Variants in MARCHF1 observed in about 807,000 individuals in gnomAD.
MARCHF1 encodes E3 ubiquitin-protein ligase MARCHF1.
In MARCHF1, 40 loss-of-function variants were observed where a neutral mutation model predicts 54.2. The ratio of observed to expected loss-of-function variants is 0.74; its 90% CI spans 0.57 to 0.96. The LOEUF is 0.96. MARCHF1 is among the 40% of genes least tolerant of loss of function. The probability of loss-of-function intolerance (pLI) is 0.00; values close to 1 mark genes in which losing one functional copy is unlikely to be tolerated. For synonymous variants in MARCHF1, 236 were observed against 236.3 expected, an observed-to-expected ratio of 1.00 and a Z score of 0.01; for missense variants, 586 against 656.5, an observed-to-expected ratio of 0.89 and a Z score of 1.17.
At chr4:163,624,310 G>A (rs571628584) in intron 5 of MARCHF1, among the ~76,000 whole-genome samples, 4 of 152,250 alleles carry the variant, frequency 2.6e-5, no homozygotes, top group East Asian at 1.9e-4. Context: ...GAGATCAGGC[G>A]TTGGAGGATA....
chr4:164,129,496 G>C (rs1048277036), intron 1 of MARCHF1, among the ~76,000 whole-genome samples: 3 of 152,090 alleles, frequency 2.0e-5, no homozygotes, highest in Non-Finnish European at 4.4e-5. Context: ...TAATGCTGGA[G>C]TGAATTATTT....
chr4:163,863,530 G>A (rs1749986313), intron 3 of MARCHF1, among the ~76,000 whole-genome samples: 2 of 151,984 alleles, frequency 1.3e-5, no homozygotes, highest in Admixed American at 1.3e-4. Flanking sequence ...GTAATAATGG[G>A]TCAGAGTTGG....
intron 2 of MARCHF1, among the ~76,000 whole-genome samples, chr4:164,039,682 TA>T (rs556768376): frequency 6.6e-5 from 10 of 150,446 alleles, no homozygotes; most frequent in East Asian, 3.9e-4. Context: ...CACATACAGA[TA>T]AAAAAAAAGC....
At chr4:164,000,002 G>A (rs1337401769) in intron 2 of MARCHF1, among the ~76,000 whole-genome samples, 1 of 151,640 alleles carries the variant, frequency 6.6e-6, no homozygotes, top group Non-Finnish European at 1.5e-5. Context: ...AATTGTGCGA[G>A]GTGATAATCA....
At chr4:164,039,990 A>C (rs1481775311) in intron 2 of MARCHF1, among the ~76,000 whole-genome samples, 1 of 147,204 alleles carries the variant, frequency 6.8e-6, no homozygotes, top group Admixed American at 6.9e-5. Context: ...TATATAAACT[A>C]TATATGCTTG....
At chr4:164,192,631 CTT>C (rs55938835) in intron 1 of MARCHF1, among the ~76,000 whole-genome samples, 22,318 of 152,142 alleles carry the variant, frequency 0.15, 2,191 homozygotes, top group African/African-American at 0.26. Context: ...TTAAAAAACA[CTT>C]CAGTCACTCT....
chr4:163,715,827 A>G (rs546351003), intron 4 of MARCHF1, among the ~76,000 whole-genome samples: 7 of 152,300 alleles, frequency 4.6e-5, no homozygotes, highest in Non-Finnish European at 8.8e-5. Context: ...TTTGACCACA[A>G]GCAGATTTTT....
intron 4 of MARCHF1, among the ~76,000 whole-genome samples, chr4:163,846,200 ACT>A (rs1361903983): frequency 2.0e-5 from 3 of 152,016 alleles, no homozygotes; most frequent in African/African-American, 7.2e-5. Context: ...GCAACTGAAA[ACT>A]CTATCTGCTC....
intron 2 of MARCHF1, among the ~76,000 whole-genome samples, chr4:164,086,118 G>A (rs2111122708): frequency 6.6e-6 from 1 of 151,826 alleles, no homozygotes; most frequent in Non-Finnish European, 1.5e-5. Flanking sequence ...TAATATTATT[G>A]AGAGATAAAC....
At chr4:163,779,451 G>A (rs1299458018) in intron 4 of MARCHF1, among the ~76,000 whole-genome samples, 1 of 150,700 alleles carries the variant, frequency 6.6e-6, no homozygotes, top group East Asian at 2.0e-4. Flanking sequence ...GTATACATAA[G>A]GAGGATTGAA....
chr4:163,581,423 T>C (rs980090647), intron 8 of MARCHF1, among the ~76,000 whole-genome samples: 5 of 152,226 alleles, frequency 3.3e-5, no homozygotes, highest in African/African-American at 1.2e-4. Context: ...TGAATTTATT[T>C]TTGTCATTAG....
intron 4 of MARCHF1, among the ~76,000 whole-genome samples, chr4:163,714,244 C>A (rs1233895050): frequency 2.0e-5 from 3 of 152,208 alleles, no homozygotes; most frequent in Non-Finnish European, 4.4e-5. Context: ...ACCCAATTCT[C>A]CATTACACAC....
At chr4:163,970,777 TA>T in intron 3 of MARCHF1, among the ~76,000 whole-genome samples, 1 of 152,332 alleles carries the variant, frequency 6.6e-6, no homozygotes, top group East Asian at 1.9e-4. Flanking sequence ...AACTCTCCAA[TA>T]ATCTCAACAA....
At chr4:163,819,007 C>T (rs1748619965) in intron 4 of MARCHF1, among the ~76,000 whole-genome samples, 1 of 152,080 alleles carries the variant, frequency 6.6e-6, no homozygotes, top group African/African-American at 2.4e-5. Context: ...ATTTATCTGT[C>T]CAATGACAAT....
chr4:163,897,137 C>T (rs116576538), intron 3 of MARCHF1, among the ~76,000 whole-genome samples: 1 of 152,098 alleles, frequency 6.6e-6, no homozygotes, highest in Non-Finnish European at 1.5e-5. Flanking sequence ...CACTATAGAC[C>T]TTGTCATTAC....
At position 163,894,681 on chromosome 4, in the gene MARCHF1, C is replaced by T. The variant is rs1465703756; in HGVS notation, c.-38-40512G>A. Among the ~76,000 whole-genome samples, 27 of 8,710 alleles carry T rather than the reference C, an allele frequency of 3.1e-3. 10 individuals carry two copies. The highest frequency in any genetic ancestry group is 4.3e-3 in the Non-Finnish European group (18 of 4,230). The allele number at this position is 8,710 out of a possible 152,430, so 5.7% of individuals were successfully genotyped here. On this transcript the variant is annotated intron_variant, in intron 3 of 9. Coordinates refer to ENST00000514618, the MANE Select transcript of MARCHF1 (RefSeq NM_001394959.1). Reference sequence around the variant, plus strand: ...TATATGCATGTGATGCATATATATGCATGTGATGCATATATATATGCATGT... The same window carrying T: ...TATATGCATGTGATGCATATATATGTATGTGATGCATATATATATGCATGT...
At chr4:163,916,071 A>G (rs1751301244) in intron 3 of MARCHF1, among the ~76,000 whole-genome samples, 1 of 152,160 alleles carries the variant, frequency 6.6e-6, no homozygotes, top group Non-Finnish European at 1.5e-5. Context: ...ATCTGCTGTA[A>G]ACTGCCTCAG....
intron 1 of MARCHF1, among the ~76,000 whole-genome samples, chr4:164,278,629 T>C (rs1332359494): frequency 1.3e-5 from 2 of 152,188 alleles, no homozygotes; most frequent in Non-Finnish European, 2.9e-5. Flanking sequence ...CAACAGCAAC[T>C]CCTTAGTGTA....
chr4:163,872,304 G>A (rs1269547082), intron 3 of MARCHF1, among the ~76,000 whole-genome samples: 3 of 152,194 alleles, frequency 2.0e-5, no homozygotes, highest in Admixed American at 6.5e-5. Context: ...TGAATAGGAC[G>A]GAATGCCAAA....
Sources: allele counts gnomAD v4.1 joint callset (sites outside exome capture counted in the v4.1 genomes callset), GRCh38; gene constraint gnomAD v4.1.1; transcripts MANE v1.5; gene names NCBI Gene and HGNC (gene_info 2026-07-23, HGNC 2026-07-21).